The following ROBO2 variants were observed in gnomAD, a reference collection of about 807,000 sequenced individuals.
ROBO2 encodes the protein roundabout homolog 2.
A neutral mutation model predicts 160.8 loss-of-function variants in ROBO2; 53 were observed. The ratio of observed to expected loss-of-function variants is 0.33; its 90% CI spans 0.26 to 0.41. ROBO2 has a LOEUF of 0.41. Among genes scored for constraint, ROBO2 ranks in the 10% least tolerant of loss-of-function variants. The probability of loss-of-function intolerance (pLI) is 1.00; values close to 1 mark genes in which losing one functional copy is unlikely to be tolerated. For synonymous variants in ROBO2, 664 were observed against 611.7 expected, an observed-to-expected ratio of 1.09 and a Z score of -1.26; for missense variants, 1,577 against 1,722.4, an observed-to-expected ratio of 0.92 and a Z score of 1.49.
chr3:76,360,849 G>A (rs1576659082), intron 2 of ROBO2, among the ~76,000 whole-genome samples: 2 of 151,880 alleles, frequency 1.3e-5, no homozygotes, highest in African/African-American at 4.8e-5. Flanking sequence ...GAGACAGAAC[G>A]GCCACATTGT....
At position 76,024,966 on chromosome 3, in the gene ROBO2, G is replaced by GTA. The variant is rs1292881647; in HGVS notation, c.109+87374_109+87375dup. Among the ~76,000 whole-genome samples, 12 of 149,574 alleles carry GTA rather than the reference G, an allele frequency of 8.0e-5. No individual in the cohort carries two copies. The East Asian group carries it at 1.2e-3, about 15-fold the overall frequency. On this transcript the variant is annotated intron_variant, in intron 2 of 26. Transcript: ENST00000487694. ...ATATATATATATTATATATATGTGTGTATATATATATGCTTAAAGGAATTC... is the reference window on the plus strand; with the variant it reads ...ATATATATATATTATATATATGTGTGTATATATATATATGCTTAAAGGAATTC...
chr3:75,984,453 T>A (rs1000543864), intron 2 of ROBO2, among the ~76,000 whole-genome samples: 1 of 151,602 alleles, frequency 6.6e-6, no homozygotes, highest in African/African-American at 2.4e-5. Flanking sequence ...GATAAACCAA[T>A]AATTAGCATT....
At chr3:76,327,441 T>G (rs1292009785) in intron 2 of ROBO2, among the ~76,000 whole-genome samples, 2 of 152,176 alleles carry the variant, frequency 1.3e-5, no homozygotes, top group Admixed American at 1.3e-4. Flanking sequence ...CTTTCAAATT[T>G]GATAATGACA....
chr3:76,410,005 C>T (rs1025106411), intron 2 of ROBO2, among the ~76,000 whole-genome samples: 2 of 152,068 alleles, frequency 1.3e-5, no homozygotes, highest in African/African-American at 4.8e-5. Flanking sequence ...TTTGTTTATT[C>T]AAAGTGAAGA....
At chr3:76,135,916 A>G (rs933193458) in intron 2 of ROBO2, among the ~76,000 whole-genome samples, 2 of 151,868 alleles carry the variant, frequency 1.3e-5, no homozygotes, top group African/African-American at 4.8e-5. Flanking sequence ...AAAAACTTGC[A>G]TTACACTTAC....
At chr3:77,025,606 T>C (rs998120125) in intron 2 of ROBO2, among the ~76,000 whole-genome samples, 2 of 152,174 alleles carry the variant, frequency 1.3e-5, no homozygotes, top group African/African-American at 4.8e-5. Context: ...TCTTTTGAAA[T>C]GCAAACAACC....
intron 2 of ROBO2, among the ~76,000 whole-genome samples, chr3:76,738,783 TGATA>T (rs2093755159): frequency 6.6e-6 from 1 of 152,182 alleles, no homozygotes; most frequent in African/African-American, 2.4e-5. Context: ...CAAAATCTCA[TGATA>T]GATGTGGCAC....
intron 2 of ROBO2, among the ~76,000 whole-genome samples, chr3:77,016,120 G>T (rs2149484919): frequency 6.6e-6 from 1 of 152,184 alleles, no homozygotes; most frequent in East Asian, 1.9e-4. Context: ...GGGACTACAG[G>T]CGCCCGCCAC....
At chr3:77,072,199 A>G (rs566076775) in intron 1 of ROBO2, among the ~76,000 whole-genome samples, 68 of 152,124 alleles carry the variant, frequency 4.5e-4, no homozygotes, top group Non-Finnish European at 8.7e-4. Flanking sequence ...ATGATCTTTC[A>G]CTGTCTCCCA....
chr3:75,988,180 G>T (rs1464362528), intron 2 of ROBO2, among the ~76,000 whole-genome samples: 1 of 151,922 alleles, frequency 6.6e-6, no homozygotes, highest in African/African-American at 2.4e-5. Flanking sequence ...TTTGTTGCTA[G>T]ATTTTTTATT....
chr3:76,100,683 TG>T (rs111475778), intron 2 of ROBO2, among the ~76,000 whole-genome samples: 3,805 of 152,262 alleles, frequency 0.025, 138 homozygotes, highest in African/African-American at 0.079. Context: ...TATACAAAGA[TG>T]ACTCTTTCTA....
intron 2 of ROBO2, among the ~76,000 whole-genome samples, chr3:76,161,432 A>G (rs1314952968): frequency 6.6e-6 from 1 of 152,178 alleles, no homozygotes; most frequent in East Asian, 1.9e-4. Flanking sequence ...ATTGGTAAAA[A>G]TAAAGTAAGC....
chr3:76,330,168 T>A (rs1326285752), intron 2 of ROBO2, among the ~76,000 whole-genome samples: 1 of 152,158 alleles, frequency 6.6e-6, no homozygotes, highest in Non-Finnish European at 1.5e-5. Context: ...TCAAGCACCT[T>A]GCAGTCTAAA....
chr3:76,889,770 T>C (rs1041327954), intron 2 of ROBO2, among the ~76,000 whole-genome samples: 28 of 152,166 alleles, frequency 1.8e-4, no homozygotes, highest in African/African-American at 6.8e-4. Flanking sequence ...AAAATTGGAA[T>C]AGAGAGTGCT....
At chr3:75,946,769 A>G (rs1435968025) in intron 2 of ROBO2, among the ~76,000 whole-genome samples, 1 of 152,128 alleles carries the variant, frequency 6.6e-6, no homozygotes, top group African/African-American at 2.4e-5. Context: ...ATGAAGGAAG[A>G]GCATGGAGAG....
chr3:76,348,364 C>T (rs1008165060), intron 2 of ROBO2, among the ~76,000 whole-genome samples: 1 of 152,124 alleles, frequency 6.6e-6, no homozygotes, highest in African/African-American at 2.4e-5. Flanking sequence ...GAAAATTGCT[C>T]TTCATTTGCC....
intron 2 of ROBO2, among the ~76,000 whole-genome samples, chr3:77,308,680 G>A (rs967411122): frequency 6.6e-6 from 1 of 152,076 alleles, no homozygotes; most frequent in Non-Finnish European, 1.5e-5. Flanking sequence ...TCAGTGAAAC[G>A]AGTGGGGCCA....
intron 2 of ROBO2, among the ~76,000 whole-genome samples, chr3:77,412,635 C>T (rs946843664): frequency 1.3e-5 from 2 of 152,172 alleles, no homozygotes; most frequent in Non-Finnish European, 2.9e-5. Flanking sequence ...CTCTGAGCAG[C>T]CAAGCCCAGT....
At chr3:76,362,086 C>T (rs1446849721) in intron 2 of ROBO2, among the ~76,000 whole-genome samples, 7 of 152,110 alleles carry the variant, frequency 4.6e-5, no homozygotes, top group African/African-American at 1.7e-4. Context: ...GAATATTGGC[C>T]AGGTGCAGTG....
Sources: allele counts gnomAD v4.1 joint callset (sites outside exome capture counted in the v4.1 genomes callset), GRCh38; gene constraint gnomAD v4.1.1; transcripts MANE v1.5; gene names NCBI Gene and HGNC (gene_info 2026-07-23, HGNC 2026-07-21).